Variants in SRM observed in about 807,000 individuals in gnomAD.
SRM encodes the protein spermidine synthase, also known as putrescine aminopropyltransferase.
A neutral mutation model predicts 39.3 loss-of-function variants in SRM; 14 were observed. The observed-to-expected ratio is 0.36, with a 90% CI of 0.24 to 0.56. The LOEUF is 0.56. Among genes scored for constraint, SRM ranks in the 20% least tolerant of loss-of-function variants. The pLI, the probability that SRM is intolerant of heterozygous loss-of-function variation, is 0.86. For missense variants in SRM, 244 were observed against 409.2 expected (o/e 0.60, Z 3.48); for synonymous variants, 195 against 173.1 (o/e 1.13, Z -0.99).
Position 11,054,698 on chromosome 1 carries a change from A to G in SRM, c.*167T>C. On this transcript the variant is annotated 3_prime_UTR_variant, in exon 8 of 8. Coordinates refer to ENST00000376957, the MANE Select transcript of SRM (RefSeq NM_003132.3). This position sits in a 1 kb window ranked among gnomAD's most constrained non-coding sequence, Gnocchi z 4.8. The stretch of plus-strand genomic sequence containing the variant: ...GGTGGAACGCCAGAGAGACAGACAC[A>G]CAGACAGTCCGCCCAGCAGGGCAGG... 1.0e-6 allele frequency: 1 copy of G among 991,788 alleles called. No individual in the cohort carries two copies. Among genetic ancestry groups the G allele is most frequent in the South Asian group, 1.7e-5 (1 of 58,390 alleles). The allele number at this position is 991,788 out of a possible 1,614,324, so 61.4% of individuals were successfully genotyped here. A position where few individuals can be genotyped will look rare whatever the true frequency, so the allele number is the denominator to read the frequency against.
Position 11,059,685 on chromosome 1 carries a change from G to A in SRM, c.167+92C>T. On this transcript the variant is annotated intron_variant, in intron 1 of 7. Coordinates refer to ENST00000376957, the MANE Select transcript of SRM (RefSeq NM_003132.3). ...GCCAGGGCAGGACGAGGTCCAGCCC[G>A]CTTGGGTCCCGGCGTGGAGAGGCCC... 4.3e-6 allele frequency: 6 copies of A among 1,409,252 alleles called. 1 individual carries two copies. In the South Asian group the frequency reaches 6.8e-5, roughly 16 times the overall value. 87.3% of individuals were successfully genotyped at this position (1,409,252 alleles called of 1,614,324 possible). A position where few individuals can be genotyped will look rare whatever the true frequency, so the allele number is the denominator to read the frequency against.
At position 11,055,054 on chromosome 1, in the gene SRM, GCGGCT is replaced by G; in HGVS notation, c.791_795del (p.Gln264ProfsTer35). ...ATCTGCGCCACCTGCTGCTGTGTCA[GCGGCT>G]GCACCGGCTCCTGGAAGTTCGTGCT... On this transcript the variant is annotated frameshift_variant, in exon 7 of 8. Coordinates refer to ENST00000376957, the MANE Select transcript of SRM (RefSeq NM_003132.3). LOFTEE classifies it high-confidence loss of function. 2 of 1,611,812 alleles carry G rather than the reference GCGGCT, an allele frequency of 1.2e-6. No homozygotes were observed. Among genetic ancestry groups the G allele is most frequent in the Non-Finnish European group, 1.7e-6 (2 of 1,179,246 alleles).
At chr1:11,055,744 T>TCCCCCCCAACCCCCCC in intron 6 of SRM, 37 bp downstream of exon 6, 1 of 1,336,822 alleles carries the variant, frequency 7.5e-7, no homozygotes, top group Non-Finnish European at 1.0e-6. Flanking sequence ...ATGCCCACCT[T>TCCCCCCCAACCCCCCC]CCCCCCAACC....
rs1370898193 is a variant in SRM at position 11,059,791 on chromosome 1, G to A, written c.153C>T (p.Ile51=). The A allele has an allele frequency of 2.5e-6, 4 of 1,579,740 alleles. No individual in the cohort carries two copies. The highest frequency in any genetic ancestry group is 2.4e-5 in the East Asian group (1 of 42,056). ...LHHRRSRYQD[I]LVFRSKTYGN... ...AGCGGCGGTACCTGCGGAAGACGAG[G>A]ATGTCCTGGTAGCGCGAGCGCCGGT... The change falls in exon 1 of 8, where the codon ATC becomes ATT. Residue 51 remains isoleucine (I), a synonymous_variant. Transcript: ENST00000376957.
At chr1:11,055,705 G>A (rs968878430) in intron 6 of SRM, 76 bp downstream of exon 6, 161 of 1,469,542 alleles carry the variant, frequency 1.1e-4, no homozygotes, top group Middle Eastern at 4.8e-4. Flanking sequence ...GTGAGCCACC[G>A]CGCCCGGCAG....
intron 6 of SRM, 37 bp downstream of exon 6, chr1:11,055,744 T>TG: frequency 1.8e-3 from 2,333 of 1,330,648 alleles, no homozygotes; most frequent in Non-Finnish European, 2.2e-3. Context: ...ATGCCCACCT[T>TG]CCCCCCAACC....
chr1:11,059,697 G>T, intron 1 of SRM, 80 bp downstream of exon 1: 1 of 1,455,842 alleles, frequency 6.9e-7, no homozygotes, highest in East Asian at 2.6e-5. Context: ...TTGGGTCCCG[G>T]CGTGGAGAGG....
At chr1:11,058,335 C>T (rs1638915941) in intron 3 of SRM, among the ~76,000 whole-genome samples, 1 of 151,932 alleles carries the variant, frequency 6.6e-6, no homozygotes, top group African/African-American at 2.4e-5. Flanking sequence ...ACGAGGCTGG[C>T]GGATCACCTG....
rs1050831315 is a variant in SRM, at chr1:11,056,731, G to A, written c.408C>T (p.Phe136=). 3.1e-6 allele frequency: 5 copies of A among 1,614,076 alleles called. No individual in the cohort carries two copies. Among genetic ancestry groups the A allele is most frequent in the South Asian group, 1.1e-5 (1 of 91,090 alleles). ...DEDVIQVSKK[F]LPGMAIGYSS... ...AGTAGCCAATGGCCATGCCTGGCAG[G>A]AACTTCTTGGAGACTTGGATGACAT... Residue 136 remains phenylalanine (F), a synonymous_variant, in exon 4 of 8, where the codon TTC becomes TTT. Coordinates refer to ENST00000376957, the MANE Select transcript of SRM (RefSeq NM_003132.3).
At position 11,055,090 on chromosome 1, in the gene SRM, G is replaced by A. The variant is rs1483229092; in HGVS notation, c.766-6C>T. The A allele has an allele frequency of 6.2e-6, 10 of 1,608,420 alleles. No homozygotes were observed. Among genetic ancestry groups the A allele is most frequent in the Admixed American group, 3.3e-5 (2 of 59,784 alleles). Reference sequence around the variant, plus strand: ...GGCTCCTGGAAGTTCGTGCTCTGGGGACCGGGCCAGGGGCACATCAGGGGG... The same window carrying A: ...GGCTCCTGGAAGTTCGTGCTCTGGGAACCGGGCCAGGGGCACATCAGGGGG... On this transcript the variant is annotated splice_polypyrimidine_tract_variant and splice_region_variant and intron_variant, in intron 6 of 7. Transcript: ENST00000376957.
Position 11,056,027 on chromosome 1 carries a change from A to T in SRM, c.603T>A (p.Gly201=). 1.2e-6 allele frequency: 2 copies of T among 1,610,842 alleles called. No homozygotes were observed. Among genetic ancestry groups the T allele is most frequent in the Non-Finnish European group, 1.7e-6 (2 of 1,178,424 alleles). The part of the protein sequence containing the change: ...QLMKTALKED[G]VLCCQGECQW... ...GTGGCTCACCCTGGCAGCAGAGGAC[A>T]CCATCTTCCTTGAGGGCTGTCTTCA... Residue 201 remains glycine (G), a synonymous_variant, in exon 5 of 8, where the codon GGT becomes GGA. Coordinates refer to ENST00000376957, the MANE Select transcript of SRM (RefSeq NM_003132.3).
chr1:11,054,675 T>C lies in SRM; in HGVS notation c.*190A>G. 1 of 780,592 alleles carries C rather than the reference T, an allele frequency of 1.3e-6. No individual in the cohort carries two copies. The allele number at this position is 780,592 out of a possible 1,614,324, so 48.4% of individuals were successfully genotyped here. ...TACACAGCTGGTATAGGCTTGGAGG[T>C]GGAACGCCAGAGAGACAGACACACA... On this transcript the variant is annotated 3_prime_UTR_variant, in exon 8 of 8. Transcript: ENST00000376957. The surrounding 1 kb of genome is among the most constrained non-coding windows in gnomAD (Gnocchi z 4.8).
intron 4 of SRM, 98 bp downstream of exon 4, chr1:11,056,506 G>T (rs1489721649): frequency 2.1e-6 from 3 of 1,435,084 alleles, no homozygotes; most frequent in Non-Finnish European, 2.9e-6. Context: ...TAGTTCGGGG[G>T]GTGGGAGGCC....
intron 3 of SRM, 153 bp downstream of exon 3, chr1:11,058,647 A>G (rs1052658717): frequency 1.7e-6 from 1 of 575,294 alleles, no homozygotes; most frequent in South Asian, 2.8e-5. Flanking sequence ...GCCCTCTGCC[A>G]TCTGGTTTTC....
chr1:11,059,085 T>G, intron 2 of SRM, 140 bp downstream of exon 2: 1 of 1,477,784 alleles, frequency 6.8e-7, no homozygotes, highest in Admixed American at 1.9e-5. Flanking sequence ...CGCGTCAGTG[T>G]CGGCCCCCAC....
intron 2 of SRM, 21 bp from the exon 3 acceptor site, chr1:11,058,913 A>G: frequency 1.3e-6 from 2 of 1,591,186 alleles, no homozygotes. Context: ...GGGGCAGTCA[A>G]GGCAGGGGCC....
rs1207302757 is a variant in SRM at position 11,059,880 on chromosome 1, G to A, written c.64C>T (p.Arg22Cys). The A allele has an allele frequency of 1.3e-6, 2 of 1,505,622 alleles. No individual in the cohort carries two copies. The highest frequency in any genetic ancestry group is 1.4e-5 in the African/African-American group (1 of 69,610). 93.3% of individuals were successfully genotyped at this position (1,505,622 alleles called of 1,614,324 possible). The change falls in exon 1 of 8, where the codon CGC becomes TGC. Residue 22 changes from arginine to cysteine, a missense_variant. Arg to Cys is a radical substitution (Grantham distance 180). Coordinates refer to ENST00000376957, the MANE Select transcript of SRM (RefSeq NM_003132.3). Reference protein sequence around the residue: ...GPAAIREGWFRETCSLWPGQA... With the variant: ...GPAAIREGWFCETCSLWPGQA... ...CCGGGCCACAGGCTGCAGGTCTCGC[G>A]GAACCAGCCCTCGCGGATGGCGGCG...
At chr1:11,057,936 G>A (rs1251171998) in intron 3 of SRM, among the ~76,000 whole-genome samples, 1 of 151,950 alleles carries the variant, frequency 6.6e-6, no homozygotes, top group Non-Finnish European at 1.5e-5. Flanking sequence ...GCACTACCAT[G>A]CCCGGCTAAT....
intron 6 of SRM, 54 bp downstream of exon 6, chr1:11,055,727 T>C: frequency 1.3e-6 from 2 of 1,525,896 alleles, no homozygotes; most frequent in Non-Finnish European, 1.8e-6. Context: ...GGCAGGGATC[T>C]CTATTTATGC....
Sources: gnomAD v4.1 joint callset for allele counts (sites outside exome capture counted in the v4.1 genomes callset) on GRCh38, gnomAD v4.1.1 for gene constraint, Gnocchi (gnomAD v3.1) non-coding constraint, MANE v1.5 for transcripts, NCBI Gene and HGNC (gene_info 2026-07-23, HGNC 2026-07-21) for gene names.